Variants in GAB1 observed in about 807,000 individuals in gnomAD.
The protein encoded by GAB1 is GRB2-associated-binding protein 1.
GAB1 carries 19 observed loss-of-function variants against 66.5 expected under a neutral mutation model. The observed-to-expected ratio is 0.29, with a 90% confidence interval of 0.20 to 0.42. The LOEUF is 0.42. Among genes scored for constraint, GAB1 ranks in the 10% least tolerant of loss-of-function variants. The probability of loss-of-function intolerance (pLI) is 1.00; values close to 1 mark genes in which losing one functional copy is unlikely to be tolerated. For synonymous variants in GAB1, 294 were observed against 301.4 expected (o/e 0.98, Z 0.25); for missense variants, 732 against 858.5 (o/e 0.85, Z 1.84).
rs112389122 is a variant in GAB1 at position 143,365,964 on chromosome 4, T to C, written c.72+28704T>C. On this transcript the variant is annotated intron_variant, in intron 1 of 9. Coordinates refer to ENST00000262994, the MANE Select transcript of GAB1 (RefSeq NM_002039.4). ...GCAGAAGTCTTTCTTTCTGAGATTATAAATCATTACATTAAAATGAATTTC... is the reference window on the plus strand; with the variant it reads ...GCAGAAGTCTTTCTTTCTGAGATTACAAATCATTACATTAAAATGAATTTC... 6.5e-3 allele frequency among the ~76,000 whole-genome samples: 991 copies of C among 152,352 alleles called. 5 individuals are homozygous for C. The highest frequency in any genetic ancestry group is 0.023 in the African/African-American group (937 of 41,590).
At chr4:143,349,306 C>T (rs1435597751) in intron 1 of GAB1, 15 of 1,221,294 alleles carry the variant, frequency 1.2e-5, no homozygotes, top group Non-Finnish European at 1.6e-5. Flanking sequence ...AGCCTGAGTC[C>T]GCTGCATGGA....
At chr4:143,417,952 G>A (rs1732785637) in intron 2 of GAB1, among the ~76,000 whole-genome samples, 1 of 152,228 alleles carries the variant, frequency 6.6e-6, no homozygotes, top group African/African-American at 2.4e-5. Context: ...GGAAAATTGT[G>A]TTAATAATCA....
intron 1 of GAB1, among the ~76,000 whole-genome samples, chr4:143,361,120 GT>G (rs34574006): frequency 2.2e-4 from 32 of 146,164 alleles, no homozygotes; most frequent in Admixed American, 3.4e-4. Context: ...TTGGGAAGGA[GT>G]TTTTTTTTTT....
At chr4:143,399,940 C>CTTTTTTTTT (rs34740795) in intron 1 of GAB1, among the ~76,000 whole-genome samples, 1 of 134,774 alleles carries the variant, frequency 7.4e-6, no homozygotes, top group Non-Finnish European at 1.6e-5. Flanking sequence ...GAGTCTTGCT[C>CTTTTTTTTT]TTTTTTTTTT....
At chr4:143,428,961 C>T (rs903656935) in intron 2 of GAB1, among the ~76,000 whole-genome samples, 1 of 151,658 alleles carries the variant, frequency 6.6e-6, no homozygotes, top group East Asian at 1.9e-4. Context: ...TAAACCTGCA[C>T]GTTGTGCACA....
At chr4:143,349,818 C>T (rs1190338912) in intron 1 of GAB1, 47 of 1,585,774 alleles carry the variant, frequency 3.0e-5, no homozygotes, top group Non-Finnish European at 3.9e-5. Context: ...GGGTCTGCTT[C>T]TGCACTGGCA....
At chr4:143,423,775 C>CAA (rs1191220393) in intron 2 of GAB1, among the ~76,000 whole-genome samples, 2 of 39,896 alleles carry the variant, frequency 5.0e-5, no homozygotes, top group African/African-American at 1.4e-4. Context: ...GACTCCATCT[C>CAA]AAAAAAAAAA....
At chr4:143,393,405 A>T (rs1731283082) in intron 1 of GAB1, among the ~76,000 whole-genome samples, 1 of 152,162 alleles carries the variant, frequency 6.6e-6, no homozygotes, top group African/African-American at 2.4e-5. Flanking sequence ...CCAGACTACT[A>T]GGTTCAGATC....
rs557081250 is a variant in GAB1 at position 143,459,833 on chromosome 4, T to C, written c.1679+355T>C. 3.9e-5 allele frequency among the ~76,000 whole-genome samples: 6 copies of C among 152,274 alleles called. No individual in the cohort carries two copies. In the South Asian group the frequency reaches 1.2e-3, roughly 32 times the overall value. ...TAGATACAACTCATGTAAACAAAAA[T>C]TTCTTGGGATTCTCAATAATTTTTA... On this transcript the variant is annotated intron_variant, in intron 7 of 9. Coordinates refer to ENST00000262994, the MANE Select transcript of GAB1 (RefSeq NM_002039.4).
chr4:143,435,841 T>C (rs1733913511), intron 3 of GAB1, among the ~76,000 whole-genome samples: 1 of 152,230 alleles, frequency 6.6e-6, no homozygotes, highest in African/African-American at 2.4e-5. Context: ...TTAGTTAGAA[T>C]GTGCTCCTCT....
intron 1 of GAB1, chr4:143,349,460 G>A: frequency 2.1e-6 from 3 of 1,457,098 alleles, no homozygotes; most frequent in Admixed American, 3.4e-5. Flanking sequence ...AAGTTGCCCA[G>A]GGTGGCAGTG....
At position 143,384,707 on chromosome 4, in the gene GAB1, T is replaced by C. The variant is rs188694344; in HGVS notation, c.73-30770T>C. Reference sequence around the variant, plus strand: ...TTTTGCAGCTAGTTTTTGCAGGCTCTGTTCAGTCTGGTGTAGCAAGTGTCC... The same window carrying C: ...TTTTGCAGCTAGTTTTTGCAGGCTCCGTTCAGTCTGGTGTAGCAAGTGTCC... On this transcript the variant is annotated intron_variant, in intron 1 of 9. Coordinates refer to ENST00000262994, the MANE Select transcript of GAB1 (RefSeq NM_002039.4). Among the ~76,000 whole-genome samples, 6 of 152,350 alleles carry C rather than the reference T, an allele frequency of 3.9e-5. No homozygotes were observed. In the East Asian group the frequency reaches 9.6e-4, roughly 24 times the overall value.
chr4:143,349,744 C>T, intron 1 of GAB1: 1 of 1,588,530 alleles, frequency 6.3e-7, no homozygotes, highest in Non-Finnish European at 8.5e-7. Context: ...AACACCCAGA[C>T]CGACGTGGCC....
intron 2 of GAB1, chr4:143,424,881 G>A (rs1196088575): frequency 1.5e-5 from 7 of 471,138 alleles, no homozygotes; most frequent in African/African-American, 1.2e-4. Context: ...CTTGAACCAG[G>A]GAGTTGGAGG....
intron 8 of GAB1, 49 bp downstream of exon 8, chr4:143,460,536 T>A: frequency 3.8e-6 from 6 of 1,584,460 alleles, no homozygotes; most frequent in Non-Finnish European, 5.2e-6. Context: ...TTTTCAGTCA[T>A]TCAAGCTAGA....
At chr4:143,339,765 G>A (rs1441563445) in intron 1 of GAB1, among the ~76,000 whole-genome samples, 1 of 152,184 alleles carries the variant, frequency 6.6e-6, no homozygotes, top group Non-Finnish European at 1.5e-5. Flanking sequence ...TTTTTTGGCT[G>A]TTCTGAGGAA....
chr4:143,349,317 G>T lies in GAB1; in HGVS notation c.72+12057G>T, dbSNP rs143308408. The T allele has an allele frequency of 9.6e-4, 1,184 of 1,233,586 alleles. 13 individuals are homozygous for T. In the African/African-American group the frequency reaches 0.016, roughly 17 times the overall value. The allele number at this position is 1,233,586 out of a possible 1,614,324, so 76.4% of individuals were successfully genotyped here. On this transcript the variant is annotated intron_variant, in intron 1 of 9. Transcript: ENST00000262994. ...CTGGAGCCTGAGTCCGCTGCATGGA[G>T]ACTCTGGTGTGGGTCTTGACTAGGT... is the stretch of plus-strand genomic sequence containing the variant.
chr4:143,370,485 T>A (rs1168295241), intron 1 of GAB1, among the ~76,000 whole-genome samples: 2 of 152,138 alleles, frequency 1.3e-5, no homozygotes, highest in African/African-American at 4.8e-5. Flanking sequence ...TGGAGTTAAG[T>A]GGAAACAGTC....
At chr4:143,448,855 T>A (rs2149774899) in intron 6 of GAB1, among the ~76,000 whole-genome samples, 1 of 151,052 alleles carries the variant, frequency 6.6e-6, no homozygotes, top group African/African-American at 2.4e-5. Context: ...TTGCTCTTGC[T>A]TTTCTAGTTC....
Sources: gnomAD v4.1 joint callset for allele counts (sites outside exome capture counted in the v4.1 genomes callset) on GRCh38, gnomAD v4.1.1 for gene constraint, MANE v1.5 for transcripts, NCBI Gene and HGNC (gene_info 2026-07-23, HGNC 2026-07-21) for gene names.